The following PDGFRL variants were observed in gnomAD, a reference collection of about 807,000 sequenced individuals.
PDGFRL encodes the protein platelet-derived growth factor receptor-like protein.
In PDGFRL, 46 loss-of-function variants were observed where a neutral mutation model predicts 37.2. The observed-to-expected ratio is 1.24, with a 90% CI of 0.98 to 1.58. PDGFRL has a LOEUF of 1.58. PDGFRL is among the 40% of genes most tolerant of loss of function. PDGFRL has a pLI of 0.00. For synonymous variants in PDGFRL, 251 were observed against 184.3 expected (o/e 1.36, Z -2.93); for missense variants, 692 against 467.6 (o/e 1.48, Z -4.43).
At chr8:17,578,512 C>T (rs1244493088) in intron 1 of PDGFRL, among the ~76,000 whole-genome samples, 2 of 152,190 alleles carry the variant, frequency 1.3e-5, no homozygotes, top group African/African-American at 2.4e-5. Context: ...AGAGAAGTTG[C>T]CATGAGTTCA....
chr8:17,584,766 A>T (rs1298221435), intron 1 of PDGFRL, among the ~76,000 whole-genome samples: 1 of 151,906 alleles, frequency 6.6e-6, no homozygotes, highest in Non-Finnish European at 1.5e-5. Flanking sequence ...TGTTACCGGA[A>T]AGGGGTCCTG....
At chr8:17,583,316 G>GA (rs1227470509) in intron 1 of PDGFRL, among the ~76,000 whole-genome samples, 5 of 152,120 alleles carry the variant, frequency 3.3e-5, no homozygotes, top group Non-Finnish European at 7.4e-5. Flanking sequence ...CCTCACCTTG[G>GA]AAAACAAACA....
chr8:17,618,737 C>G (rs1230124506), intron 2 of PDGFRL, among the ~76,000 whole-genome samples: 1 of 152,096 alleles, frequency 6.6e-6, no homozygotes, highest in African/African-American at 2.4e-5. Context: ...TTAGGGAGTC[C>G]TTACTGCATA....
intron 3 of PDGFRL, 132 bp downstream of exon 3, chr8:17,621,334 A>G (rs552969318): frequency 3.7e-6 from 2 of 547,094 alleles, no homozygotes; most frequent in South Asian, 5.9e-5. Context: ...GCTCTGGGCT[A>G]AATGCTTTAC....
At chr8:17,579,650 TC>T (rs1344747256) in intron 1 of PDGFRL, among the ~76,000 whole-genome samples, 2 of 151,826 alleles carry the variant, frequency 1.3e-5, no homozygotes, top group African/African-American at 4.8e-5. Flanking sequence ...CACTGCGACT[TC>T]CACTTGTGCT....
intron 1 of PDGFRL, among the ~76,000 whole-genome samples, chr8:17,587,362 T>C (rs1803839354): frequency 6.6e-6 from 1 of 152,170 alleles, no homozygotes; most frequent in African/African-American, 2.4e-5. Flanking sequence ...AGTAGCTCTG[T>C]TTGTCTAAAT....
chr8:17,621,984 T>G (rs2237834), intron 3 of PDGFRL, among the ~76,000 whole-genome samples: 80,525 of 151,972 alleles, frequency 0.53, 21,968 homozygotes, highest in Middle Eastern at 0.65. Context: ...TGTTTGTTCT[T>G]GTGAATACTA....
chr8:17,642,568 C>A (rs766501227), intron 5 of PDGFRL, 45 bp from the exon 6 acceptor site: 4 of 1,196,202 alleles, frequency 3.3e-6, no homozygotes, highest in Non-Finnish European at 1.2e-6. Flanking sequence ...CTCTTTATAG[C>A]AGCTTGTCCC....
At chr8:17,623,701 C>G (rs1804678206) in intron 3 of PDGFRL, among the ~76,000 whole-genome samples, 1 of 151,964 alleles carries the variant, frequency 6.6e-6, no homozygotes, top group African/African-American at 2.4e-5. Context: ...ATGGAGAAAT[C>G]CCATCTCTAC....
At chr8:17,591,492 G>A (rs1803939311) in intron 2 of PDGFRL, among the ~76,000 whole-genome samples, 2 of 151,972 alleles carry the variant, frequency 1.3e-5, no homozygotes, top group Admixed American at 6.6e-5. Context: ...TGTGTAGAAT[G>A]AAGGGTAGGG....
intron 4 of PDGFRL, among the ~76,000 whole-genome samples, 177 bp from the exon 5 acceptor site, chr8:17,633,897 T>C (rs536020504): frequency 6.6e-6 from 1 of 152,296 alleles, no homozygotes; most frequent in South Asian, 2.1e-4. Flanking sequence ...GGTCAACAGA[T>C]AAAGGTGGCT....
intron 5 of PDGFRL, among the ~76,000 whole-genome samples, chr8:17,637,065 G>A (rs11783109): frequency 0.78 from 119,177 of 151,918 alleles, 48,504 homozygotes; most frequent in Non-Finnish European, 0.9. Context: ...AGCAAACAGC[G>A]ACAGTTTGAC....
intron 2 of PDGFRL, among the ~76,000 whole-genome samples, chr8:17,596,609 G>C (rs1352221942): frequency 6.6e-6 from 1 of 152,148 alleles, no homozygotes; most frequent in Non-Finnish European, 1.5e-5. Context: ...ACATTTTAAA[G>C]ACTCTAAAGT....
intron 1 of PDGFRL, among the ~76,000 whole-genome samples, chr8:17,586,042 C>A (rs1347447100): frequency 1.3e-5 from 2 of 152,296 alleles, no homozygotes; most frequent in Admixed American, 1.3e-4. Flanking sequence ...ACCTCCGTGT[C>A]CCAGGATCAA....
rs144690165 is a variant in PDGFRL, at chr8:17,597,780, T to C, written c.353+8015T>C. On this transcript the variant is annotated intron_variant, in intron 2 of 5. Transcript: ENST00000251630. Reference sequence around the variant, plus strand: ...GTGGTGTTTTAGCAAGGATGCTGCCTCAGTTTCTTAGCCTGTAAAACAAGA... The same window carrying C: ...GTGGTGTTTTAGCAAGGATGCTGCCCCAGTTTCTTAGCCTGTAAAACAAGA... 2.5e-3 allele frequency among the ~76,000 whole-genome samples: 382 copies of C among 152,296 alleles called. 2 individuals are homozygous for C. Among genetic ancestry groups the C allele is most frequent in the African/African-American group, 8.6e-3 (357 of 41,562 alleles).
At chr8:17,642,198 C>T (rs1805135111) in intron 5 of PDGFRL, among the ~76,000 whole-genome samples, 1 of 152,142 alleles carries the variant, frequency 6.6e-6, no homozygotes, top group African/African-American at 2.4e-5. Context: ...GGTGCTTTTT[C>T]AGGCTACTGA....
intron 2 of PDGFRL, among the ~76,000 whole-genome samples, chr8:17,597,108 CCT>C (rs1324453041): frequency 6.6e-6 from 1 of 152,144 alleles, no homozygotes; most frequent in Admixed American, 6.5e-5. Flanking sequence ...GCAACCTCTA[CCT>C]CTCATGTTCA....
At chr8:17,591,083 T>G (rs529339754) in intron 2 of PDGFRL, among the ~76,000 whole-genome samples, 2 of 151,958 alleles carry the variant, frequency 1.3e-5, no homozygotes, top group Admixed American at 1.3e-4. Context: ...AGAGTTTCAC[T>G]ATGTTAGCCA....
intron 2 of PDGFRL, among the ~76,000 whole-genome samples, chr8:17,594,439 C>G (rs1804008803): frequency 6.6e-6 from 1 of 152,028 alleles, no homozygotes. Flanking sequence ...CAGGGTTTCA[C>G]TATGATGGCC....
Sources: allele counts gnomAD v4.1 joint callset (sites outside exome capture counted in the v4.1 genomes callset), GRCh38; gene constraint gnomAD v4.1.1; transcripts MANE v1.5; gene names NCBI Gene and HGNC (gene_info 2026-07-23, HGNC 2026-07-21).